The following ZCCHC14 variants were observed in gnomAD, a reference collection of about 807,000 sequenced individuals.
The protein encoded by ZCCHC14 is zinc finger CCHC domain-containing protein 14.
Under a neutral mutation model 85.0 loss-of-function variants are expected in ZCCHC14, and 16 were observed. The observed-to-expected ratio is 0.19, with a 90% CI of 0.13 to 0.29. The LOEUF (loss-of-function observed/expected upper bound fraction) is 0.29, where lower values mean the gene tolerates loss of function less well. ZCCHC14 is among the 10% of genes least tolerant of loss of function. The pLI, the probability that ZCCHC14 is intolerant of heterozygous loss-of-function variation, is 1.00. For missense variants in ZCCHC14, 1,303 were observed against 1,443.5 expected (o/e 0.90, Z 1.58); for synonymous variants, 775 against 630.7 (o/e 1.23, Z -3.43).
At position 87,413,137 on chromosome 16, in the gene ZCCHC14, C is replaced by T. The variant is rs189776326; in HGVS notation, c.1662G>A (p.Ser554=). ...HHQLPREGSS[S]EYSSSSSSPM... Reference sequence around the variant, plus strand: ...GGCTGGAGGAGGAGCTGGAGTACTCCGAGGAACTGCCTTCCCGGGGCAGCT... The same window carrying T: ...GGCTGGAGGAGGAGCTGGAGTACTCTGAGGAACTGCCTTCCCGGGGCAGCT... Residue 554 remains serine, a synonymous_variant, in exon 11 of 13, where the codon TCG becomes TCA. Coordinates refer to ENST00000671377, the MANE Select transcript of ZCCHC14 (RefSeq NM_015144.3). The T allele has an allele frequency of 3.1e-6, 5 of 1,610,694 alleles. No homozygotes were observed. Among genetic ancestry groups the T allele is most frequent in the South Asian group, 2.2e-5 (2 of 90,698 alleles).
At chr16:87,427,859 C>A (rs1015956717) in intron 3 of ZCCHC14, among the ~76,000 whole-genome samples, 4 of 151,582 alleles carry the variant, frequency 2.6e-5, no homozygotes, top group Non-Finnish European at 4.4e-5. Context: ...GTCACCCAGG[C>A]TGGCTCAAGC....
In ZCCHC14 at chr16:87,491,300, G is replaced by A. The variant is rs1369963525; in HGVS notation, c.570+369C>T. On this transcript the variant is annotated intron_variant, in intron 1 of 12. Coordinates refer to ENST00000671377, the MANE Select transcript of ZCCHC14 (RefSeq NM_015144.3). The surrounding 1 kb of genome is among the most constrained non-coding windows in gnomAD (Gnocchi z 5.9). ...TGGAGGCTTTGGGGCACGCAGAGGG[G>A]ACTGAGGGTGTGGGCTCAGGGCCGC... 6.6e-6 allele frequency among the ~76,000 whole-genome samples: 1 copy of A among 152,242 alleles called. No homozygotes were observed. Among genetic ancestry groups the A allele is most frequent in the African/African-American group, 2.4e-5 (1 of 41,470 alleles).
chr16:87,409,535 A>G lies in ZCCHC14; in HGVS notation c.*745T>C, dbSNP rs1218790428. On this transcript the variant is annotated 3_prime_UTR_variant, in exon 13 of 13. Transcript: ENST00000671377. ...GACCCTTAGAAATTAAGTTGTTGCG[A>G]GTAAACTATTTCTATTTAATAACGT... The G allele has an allele frequency of 2.0e-5, 3 of 152,410 alleles. No individual in the cohort carries two copies. Among genetic ancestry groups the G allele is most frequent in the Non-Finnish European group, 2.9e-5 (2 of 68,050 alleles). 9.4% of individuals were successfully genotyped at this position (152,410 alleles called of 1,614,324 possible). A position where few individuals can be genotyped will look rare whatever the true frequency, so the allele number is the denominator to read the frequency against.
intron 2 of ZCCHC14, among the ~76,000 whole-genome samples, chr16:87,447,455 G>A (rs954613061): frequency 2.0e-5 from 3 of 152,144 alleles, no homozygotes; most frequent in Non-Finnish European, 4.4e-5. Flanking sequence ...AAAAAGTCTT[G>A]AACGTCATAT....
chr16:87,489,290 C>T (rs1407970377), intron 1 of ZCCHC14, among the ~76,000 whole-genome samples: 1 of 152,090 alleles, frequency 6.6e-6, no homozygotes, highest in East Asian at 1.9e-4. Flanking sequence ...TATAATAATC[C>T]TCTCATTAAG....
chr16:87,420,866 G>T lies in ZCCHC14; in HGVS notation c.841-150C>A. 1.7e-6 allele frequency: 1 copy of T among 580,294 alleles called. No homozygotes were observed. The highest frequency in any genetic ancestry group is 2.2e-5 in the South Asian group (1 of 44,832). 35.9% of individuals were successfully genotyped at this position (580,294 alleles called of 1,614,324 possible). ...CACCTCCCGTCAGAGCTATTCTGGGGCCCACATCCACTTAGGGTGTAGAAA... is the reference window on the plus strand; with the variant it reads ...CACCTCCCGTCAGAGCTATTCTGGGTCCCACATCCACTTAGGGTGTAGAAA... On this transcript the variant is annotated intron_variant, in intron 4 of 12. Transcript: ENST00000671377. This position sits in a 1 kb window ranked among gnomAD's most constrained non-coding sequence, Gnocchi z 5.0.
At chr16:87,422,231 A>G (rs1034236195) in intron 4 of ZCCHC14, among the ~76,000 whole-genome samples, 1 of 152,216 alleles carries the variant, frequency 6.6e-6, no homozygotes, top group African/African-American at 2.4e-5. Context: ...GACAGGCTCC[A>G]CAGCAGCCTG....
chr16:87,458,563 G>A (rs1911090508), intron 2 of ZCCHC14, among the ~76,000 whole-genome samples: 1 of 152,212 alleles, frequency 6.6e-6, no homozygotes, highest in Non-Finnish European at 1.5e-5. Context: ...GGCTGCAGCT[G>A]CTGGGGAAAT....
chr16:87,456,833 C>A (rs1910993136), intron 2 of ZCCHC14, among the ~76,000 whole-genome samples: 1 of 152,172 alleles, frequency 6.6e-6, no homozygotes, highest in South Asian at 2.1e-4. Context: ...GCAAAGGGGT[C>A]CTAAGACCAA....
chr16:87,466,997 C>A, intron 1 of ZCCHC14: 1 of 386,338 alleles, frequency 2.6e-6, no homozygotes, highest in South Asian at 2.7e-5. Flanking sequence ...CTGGAAAAGC[C>A]TCACAGTCAC....
intron 1 of ZCCHC14, among the ~76,000 whole-genome samples, chr16:87,485,681 T>G (rs553964569): frequency 1.3e-5 from 2 of 152,148 alleles, no homozygotes; most frequent in Admixed American, 1.3e-4. Flanking sequence ...CAGAAATTTT[T>G]CCTAGCATAA....
intron 1 of ZCCHC14, among the ~76,000 whole-genome samples, chr16:87,487,471 T>C (rs1417009984): frequency 6.6e-6 from 1 of 151,882 alleles, no homozygotes; most frequent in Non-Finnish European, 1.5e-5. Context: ...GCCCGGAGGC[T>C]CTGTACTGAC....
At chr16:87,461,552 G>A (rs1447069135) in intron 1 of ZCCHC14, among the ~76,000 whole-genome samples, 1 of 152,210 alleles carries the variant, frequency 6.6e-6, no homozygotes, top group Admixed American at 6.5e-5. Flanking sequence ...GCCTCCACTT[G>A]TTCTTTCATC....
rs570265273 is a variant in ZCCHC14, at chr16:87,460,183, G to T, written c.571-52C>A. On this transcript the variant is annotated intron_variant, in intron 1 of 12. Transcript: ENST00000671377. ...TATTTTCTCCCACGGAGTTAATAGG[G>T]GACAATTTTATTTGTTAATTAAGTC... The T allele has an allele frequency of 3.7e-5, 58 of 1,577,194 alleles. No homozygotes were observed. The African/African-American group carries it at 6.0e-4, about 16-fold the overall frequency.
chr16:87,484,019 C>T (rs556003546), intron 1 of ZCCHC14, among the ~76,000 whole-genome samples: 63 of 152,348 alleles, frequency 4.1e-4, no homozygotes, highest in Non-Finnish European at 7.8e-4. Context: ...GAAGCCTCAT[C>T]TGGAAAGACT....
intron 1 of ZCCHC14, among the ~76,000 whole-genome samples, chr16:87,486,023 G>C (rs545357542): frequency 4.4e-4 from 67 of 152,224 alleles, no homozygotes; most frequent in Non-Finnish European, 8.4e-4. Flanking sequence ...CTGTGCTCCA[G>C]AACACAGTAG....
At chr16:87,449,497 C>T (rs1910594322) in intron 2 of ZCCHC14, among the ~76,000 whole-genome samples, 1 of 152,058 alleles carries the variant, frequency 6.6e-6, no homozygotes, top group African/African-American at 2.4e-5. Flanking sequence ...CAGCGACAGA[C>T]CCCGACCAAT....
At chr16:87,441,555 T>C (rs1428822781) in intron 2 of ZCCHC14, among the ~76,000 whole-genome samples, 1 of 152,232 alleles carries the variant, frequency 6.6e-6, no homozygotes, top group Non-Finnish European at 1.5e-5. Context: ...ATACTGGTGT[T>C]ACTCCATTTG....
chr16:87,491,859 C>T lies in ZCCHC14; in HGVS notation c.380G>A (p.Arg127His). Residue 127 changes from arginine (R) to histidine (H), a missense_variant, in exon 1 of 13, where the codon CGC becomes CAC. Arg to His is a conservative substitution (Grantham distance 29). This residue lies in a region of ZCCHC14 where 389 missense variants were observed against 397.8 expected (regional missense o/e 0.98). Coordinates refer to ENST00000671377, the MANE Select transcript of ZCCHC14 (RefSeq NM_015144.3). This position sits in a 1 kb window ranked among gnomAD's most constrained non-coding sequence, Gnocchi z 5.9. Reference protein sequence around the residue: ...HNYGLQLNEGRTGDEFLLLFT... With the variant: ...HNYGLQLNEGHTGDEFLLLFT... ...CAGCAGCAGGAACTCATCGCCCGTGCGGCCCTCGTTAAGCTGCAGCCCGTA... is the reference window on the plus strand; with the variant it reads ...CAGCAGCAGGAACTCATCGCCCGTGTGGCCCTCGTTAAGCTGCAGCCCGTA... The T allele has an allele frequency of 6.4e-7, 1 of 1,562,326 alleles. No homozygotes were observed. The highest frequency in any genetic ancestry group is 1.4e-5 in the African/African-American group (1 of 70,496).
Sources: allele counts gnomAD v4.1 joint callset (sites outside exome capture counted in the v4.1 genomes callset), GRCh38; gene constraint gnomAD v4.1.1; regional missense constraint gnomAD v4.1.1; non-coding constraint Gnocchi (gnomAD v3.1); transcripts MANE v1.5; gene names NCBI Gene and HGNC (gene_info 2026-07-23, HGNC 2026-07-21).